GAB2: variants seen among roughly 807,000 people sequenced by gnomAD.
GAB2 encodes the protein GRB2-associated-binding protein 2.
Under a neutral mutation model 65.5 loss-of-function variants are expected in GAB2, and 26 were observed. The observed-to-expected ratio is 0.40, with a 90% CI of 0.29 to 0.55. GAB2 has a LOEUF of 0.55. GAB2 is among the 20% of genes least tolerant of loss of function. The pLI, the probability that GAB2 is intolerant of heterozygous loss-of-function variation, is 0.53. For synonymous variants in GAB2, 321 were observed against 329.6 expected, an observed-to-expected ratio of 0.97 and a Z score of 0.28; for missense variants, 884 against 875.8, an observed-to-expected ratio of 1.01 and a Z score of -0.12.
At position 78,401,111 on chromosome 11, in the gene GAB2, G is replaced by T. The variant is rs893151477; in HGVS notation, c.75+16535C>A. On this transcript the variant is annotated intron_variant, in intron 1 of 9. Transcript: ENST00000361507. The stretch of plus-strand genomic sequence containing the variant: ...CAATTACTAACCTTTACCAAGTGAG[G>T]TTTAAAAAAAAAAAACTGTCATAAA... Among the ~76,000 whole-genome samples, 3 of 147,342 alleles carry T rather than the reference G, an allele frequency of 2.0e-5. No homozygotes were observed. The East Asian group carries it at 5.9e-4, about 29-fold the overall frequency.
intron 2 of GAB2, among the ~76,000 whole-genome samples, chr11:78,266,697 T>C (rs1392398177): frequency 6.6e-6 from 1 of 152,208 alleles, no homozygotes; most frequent in Non-Finnish European, 1.5e-5. Flanking sequence ...CCAGAACCTC[T>C]TAGAAGCAGA....
intron 2 of GAB2, among the ~76,000 whole-genome samples, chr11:78,272,571 G>A (rs1866044411): frequency 6.6e-6 from 1 of 152,152 alleles, no homozygotes; most frequent in Admixed American, 6.5e-5. Flanking sequence ...AGGTGACTTG[G>A]GTGCTGTTAA....
At chr11:78,369,166 A>G (rs969221151) in intron 1 of GAB2, among the ~76,000 whole-genome samples, 2 of 150,888 alleles carry the variant, frequency 1.3e-5, no homozygotes, top group Non-Finnish European at 3.0e-5. Flanking sequence ...AAAAAGTCAG[A>G]TAAGTAATTC....
intron 1 of GAB2, among the ~76,000 whole-genome samples, chr11:78,297,360 G>T (rs542147488): frequency 6.6e-6 from 1 of 152,072 alleles, no homozygotes; most frequent in Non-Finnish European, 1.5e-5. Flanking sequence ...TGTTAATGAA[G>T]AAAAAACTAC....
intron 1 of GAB2, among the ~76,000 whole-genome samples, chr11:78,349,276 C>T (rs1003179129): frequency 6.6e-6 from 1 of 152,200 alleles, no homozygotes; most frequent in Non-Finnish European, 1.5e-5. Flanking sequence ...CTCACGATCA[C>T]TGGGAAAACA....
intron 3 of GAB2, among the ~76,000 whole-genome samples, chr11:78,230,385 C>T (rs1864805881): frequency 6.6e-6 from 1 of 152,252 alleles, no homozygotes; most frequent in South Asian, 2.1e-4. Flanking sequence ...CTGTGGAACG[C>T]TTCCTTGATA....
intron 3 of GAB2, among the ~76,000 whole-genome samples, chr11:78,239,380 C>A (rs763518548): frequency 6.6e-6 from 1 of 152,064 alleles, no homozygotes; most frequent in Non-Finnish European, 1.5e-5. Flanking sequence ...GTCACCACAC[C>A]CTGCTAATTT....
chr11:78,285,004 G>T (rs926826711), intron 1 of GAB2, among the ~76,000 whole-genome samples: 4 of 152,164 alleles, frequency 2.6e-5, no homozygotes, highest in Admixed American at 2.0e-4. Flanking sequence ...TAGCCAGATA[G>T]GATGGAGCTG....
At chr11:78,316,356 A>G (rs1855605151) in intron 1 of GAB2, among the ~76,000 whole-genome samples, 1 of 152,198 alleles carries the variant, frequency 6.6e-6, no homozygotes, top group Admixed American at 6.5e-5. Context: ...TTTCATATAT[A>G]CATATTATTA....
At chr11:78,309,926 A>ATG (rs60718900) in intron 1 of GAB2, among the ~76,000 whole-genome samples, 6,146 of 135,512 alleles carry the variant, frequency 0.045, 186 homozygotes, top group East Asian at 0.097. Flanking sequence ...AGGGTTAGAA[A>ATG]TGTGTGTGTG....
At chr11:78,271,289 G>A (rs772447548) in intron 2 of GAB2, among the ~76,000 whole-genome samples, 1 of 152,224 alleles carries the variant, frequency 6.6e-6, no homozygotes, top group Non-Finnish European at 1.5e-5. Context: ...AGGACTGACA[G>A]CTATTTTGAT....
intron 1 of GAB2, among the ~76,000 whole-genome samples, chr11:78,388,812 T>C (rs1252875286): frequency 6.6e-6 from 1 of 152,164 alleles, no homozygotes; most frequent in African/African-American, 2.4e-5. Context: ...TTTGTTTTGT[T>C]AAAAAGAGAG....
intron 2 of GAB2, among the ~76,000 whole-genome samples, chr11:78,254,481 A>G (rs1253260719): frequency 3.9e-5 from 6 of 152,166 alleles, no homozygotes; most frequent in Non-Finnish European, 7.4e-5. Flanking sequence ...AGTCATGTCA[A>G]TGAAACTAGC....
chr11:78,362,716 T>C (rs1348590292), intron 1 of GAB2, among the ~76,000 whole-genome samples: 2 of 152,144 alleles, frequency 1.3e-5, no homozygotes, highest in African/African-American at 4.8e-5. Flanking sequence ...AGCTACATAC[T>C]GTTTTTTAAA....
chr11:78,363,284 A>G (rs1856457415), intron 1 of GAB2, among the ~76,000 whole-genome samples: 1 of 152,232 alleles, frequency 6.6e-6, no homozygotes, highest in Admixed American at 6.5e-5. Flanking sequence ...TTTGTCAGCA[A>G]TTCTGTGTGC....
At chr11:78,302,401 T>C (rs937703543) in intron 1 of GAB2, among the ~76,000 whole-genome samples, 2 of 151,952 alleles carry the variant, frequency 1.3e-5, no homozygotes, top group Non-Finnish European at 2.9e-5. Flanking sequence ...CAAAAGAAGA[T>C]ATGCAAATGG....
chr11:78,219,384 T>C lies in GAB2; in HGVS notation c.1919A>G (p.Lys640Arg), dbSNP rs1864305095. The part of the protein sequence containing the change: ...PSTSSVTSDE[K>R]VDYVQVDKEK... ...CTTGTCCACCTGAACGTAGTCCACC[T>C]TCTCATCAGAGGTGACGGATGAAGT... Residue 640 changes from lysine to arginine, a missense_variant, in exon 10 of 10, where the codon AAG becomes AGG. Coordinates refer to ENST00000361507, the MANE Select transcript of GAB2 (RefSeq NM_080491.3). The C allele has an allele frequency of 6.2e-7, 1 of 1,613,758 alleles. No individual in the cohort carries two copies. The highest frequency in any genetic ancestry group is 1.3e-5 in the African/African-American group (1 of 74,870).
intron 1 of GAB2, chr11:78,324,802 A>G (rs1204800446): frequency 6.6e-6 from 1 of 152,258 alleles, no homozygotes; most frequent in Non-Finnish European, 1.5e-5. Context: ...GGTAAGAATT[A>G]TGCCTCTGGA....
rs1856649348 is a variant in GAB2 at position 78,377,755 on chromosome 11, CA to C, written c.75+39890del. 2.6e-5 allele frequency among the ~76,000 whole-genome samples: 4 copies of C among 152,268 alleles called. No homozygotes were observed. The South Asian group carries it at 8.3e-4, about 32-fold the overall frequency. ...ATGAGATGCAATCGGCTCATACCTGCAAAGTTTACTTACTACGTAGTTAAGT... is the reference window on the plus strand; with the variant it reads ...ATGAGATGCAATCGGCTCATACCTGCAAGTTTACTTACTACGTAGTTAAGT... On this transcript the variant is annotated intron_variant, in intron 1 of 9. Transcript: ENST00000361507.
Sources: allele counts gnomAD v4.1 joint callset (sites outside exome capture counted in the v4.1 genomes callset), GRCh38; gene constraint gnomAD v4.1.1; transcripts MANE v1.5; gene names NCBI Gene and HGNC (gene_info 2026-07-23, HGNC 2026-07-21).